Variants in TMED8 observed in about 807,000 individuals in gnomAD.
TMED8 encodes the protein protein TMED8.
A neutral mutation model predicts 32.7 loss-of-function variants in TMED8; 15 were observed. The observed-to-expected ratio is 0.46, with a 90% CI of 0.31 to 0.71. The LOEUF (loss-of-function observed/expected upper bound fraction) is 0.71, where lower values mean the gene tolerates loss of function less well. Ranked by LOEUF, TMED8 falls within the 30% of genes least tolerant of loss-of-function variation. The probability of loss-of-function intolerance (pLI) is 0.06; values close to 1 mark genes in which losing one functional copy is unlikely to be tolerated. For missense variants in TMED8, 390 were observed against 423.9 expected (o/e 0.92, Z 0.70); for synonymous variants, 147 against 161.4 (o/e 0.91, Z 0.68).
chr14:77,345,799 G>C (rs1893014818), intron 3 of TMED8, among the ~76,000 whole-genome samples: 1 of 151,756 alleles, frequency 6.6e-6, no homozygotes, highest in Non-Finnish European at 1.5e-5. Flanking sequence ...GTGAAGCCCT[G>C]CCTCTACTAA....
chr14:77,377,036 C>T lies in TMED8; in HGVS notation c.18G>A (p.Ala6=). 1 of 1,383,752 alleles carries T rather than the reference C, an allele frequency of 7.2e-7. No individual in the cohort carries two copies. 85.7% of individuals were successfully genotyped at this position (1,383,752 alleles called of 1,614,324 possible). The change falls in exon 1 of 6, where the codon GCG becomes GCA. Residue 6 remains alanine (A), a synonymous_variant. Transcript: ENST00000216468. MSDLQ[A]AEGPGSWSPT... ...GGCTCCAGGAGCCCGGCCCCTCAGCCGCCTGCAGGTCAGACATCTGCAGCC... is the reference window on the plus strand; with the variant it reads ...GGCTCCAGGAGCCCGGCCCCTCAGCTGCCTGCAGGTCAGACATCTGCAGCC...
chr14:77,351,411 ATTTTTTTT>A lies in TMED8; in HGVS notation c.197+254_197+261del, dbSNP rs1181134385. 4.2e-3 allele frequency among the ~76,000 whole-genome samples: 432 copies of A among 102,144 alleles called. 2 individuals carry two copies. The highest frequency in any genetic ancestry group is 0.011 in the Middle Eastern group (1 of 94). The allele number at this position is 102,144 out of a possible 152,430, so 67.0% of individuals were successfully genotyped here. On this transcript the variant is annotated intron_variant, in intron 2 of 5. Transcript: ENST00000216468. ...GTAGTCTGGCCACCACGCCCCGCTA[ATTTTTTTT>A]TTTTTTTTTTTTTTTGGATTTTTAG...
chr14:77,342,594 G>A (rs2139601566), intron 5 of TMED8, among the ~76,000 whole-genome samples: 1 of 152,274 alleles, frequency 6.6e-6, no homozygotes, highest in East Asian at 1.9e-4. Context: ...CTAATGCTTA[G>A]GACCTACTCT....
At chr14:77,364,899 G>A (rs1264510986) in intron 1 of TMED8, among the ~76,000 whole-genome samples, 1 of 152,048 alleles carries the variant, frequency 6.6e-6, no homozygotes, top group Non-Finnish European at 1.5e-5. Context: ...CCTTATAACT[G>A]CTGCCATTCT....
rs146656597 is a variant in TMED8, at chr14:77,361,277, C to T, written c.119-9526G>A. The stretch of plus-strand genomic sequence containing the variant: ...GATTACAGGCATGAGCCACCACGCC[C>T]GGCCCATTTCCATTCTTTTGCATGT... On this transcript the variant is annotated intron_variant, in intron 1 of 5. Coordinates refer to ENST00000216468, the MANE Select transcript of TMED8 (RefSeq NM_213601.3). 1.8e-3 allele frequency among the ~76,000 whole-genome samples: 271 copies of T among 152,234 alleles called. 1 individual carries two copies. Among genetic ancestry groups the T allele is most frequent in the African/African-American group, 6.3e-3 (263 of 41,536 alleles).
intron 1 of TMED8, among the ~76,000 whole-genome samples, chr14:77,365,170 A>G (rs1266282433): frequency 4.6e-5 from 7 of 152,214 alleles, no homozygotes; most frequent in African/African-American, 1.7e-4. Flanking sequence ...ATATACAGCA[A>G]CCACATGAAA....
chr14:77,374,434 T>G (rs1331168744), intron 1 of TMED8, among the ~76,000 whole-genome samples: 1 of 152,236 alleles, frequency 6.6e-6, no homozygotes, highest in Non-Finnish European at 1.5e-5. Flanking sequence ...TTGCAGGATG[T>G]TTAGCAAACA....
intron 2 of TMED8, among the ~76,000 whole-genome samples, chr14:77,348,024 A>G (rs1339420406): frequency 5.9e-5 from 9 of 152,200 alleles, no homozygotes; most frequent in Non-Finnish European, 8.8e-5. Context: ...TGATACCGCA[A>G]TAGAATGAAC....
chr14:77,345,968 C>CAAAAA (rs370981070), intron 3 of TMED8, among the ~76,000 whole-genome samples: 2 of 76,630 alleles, frequency 2.6e-5, no homozygotes, highest in African/African-American at 5.0e-5. Context: ...GACCCTGTCT[C>CAAAAA]AAAAAAAAAA....
At chr14:77,362,262 G>A (rs1331392379) in intron 1 of TMED8, among the ~76,000 whole-genome samples, 3 of 151,800 alleles carry the variant, frequency 2.0e-5, no homozygotes, top group Admixed American at 2.0e-4. Context: ...AGTGATGAGA[G>A]TGGTCATCCT....
chr14:77,372,948 ATATATTTTTT>A (rs1893726510), intron 1 of TMED8, among the ~76,000 whole-genome samples: 4 of 18,328 alleles, frequency 2.2e-4, no homozygotes, highest in Non-Finnish European at 3.4e-4. Flanking sequence ...ATATATATAT[ATATATTTTTT>A]TTTTTTTTTT....
rs1171798879 is a variant in TMED8 at position 77,343,725 on chromosome 14, A to G, written c.426T>C (p.Ser142=). ...TCCTGTGGTCCCCCAGAAGATCTGC[A>G]GATTCCAAATCAGCTGAAAGAACAT... ...AIDVLSADLE[S]ADLLGDHRKV... The change falls in exon 4 of 6, where the codon TCT becomes TCC. Residue 142 remains serine, a synonymous_variant. Transcript: ENST00000216468. 10 of 1,614,226 alleles carry G rather than the reference A, an allele frequency of 6.2e-6. No individual in the cohort carries two copies. The highest frequency in any genetic ancestry group is 8.5e-6 in the Non-Finnish European group (10 of 1,180,042).
At chr14:77,373,543 T>C (rs1184088297) in intron 1 of TMED8, among the ~76,000 whole-genome samples, 4 of 152,150 alleles carry the variant, frequency 2.6e-5, no homozygotes, top group Admixed American at 2.6e-4. Flanking sequence ...CACCAAAACC[T>C]CAGCTAACAA....
intron 3 of TMED8, among the ~76,000 whole-genome samples, chr14:77,345,405 AATT>A (rs1393329010): frequency 6.6e-6 from 1 of 152,190 alleles, no homozygotes; most frequent in Non-Finnish European, 1.5e-5. Context: ...ATACAAATCT[AATT>A]ATAACGCCTG....
At position 77,341,739 on chromosome 14, in the gene TMED8, C is replaced by A; in HGVS notation, c.*32G>T. 1 of 1,611,294 alleles carries A rather than the reference C, an allele frequency of 6.2e-7. No homozygotes were observed. Among genetic ancestry groups the A allele is most frequent in the Admixed American group, 1.7e-5 (1 of 60,000 alleles). On this transcript the variant is annotated 3_prime_UTR_variant, in exon 6 of 6. Coordinates refer to ENST00000216468, the MANE Select transcript of TMED8 (RefSeq NM_213601.3). ...CCAGCTGGCAGCCTGCTTCAGCCAGCAAATACAGCCTGCCCCTGTCCCAGC... is the reference window on the plus strand; with the variant it reads ...CCAGCTGGCAGCCTGCTTCAGCCAGAAAATACAGCCTGCCCCTGTCCCAGC...
chr14:77,340,549 T>C lies in TMED8; in HGVS notation c.*1222A>G, dbSNP rs1892872227. The C allele has an allele frequency of 6.6e-6, 1 of 152,202 alleles. No homozygotes were observed. Among genetic ancestry groups the C allele is most frequent in the Non-Finnish European group, 1.5e-5 (1 of 68,058 alleles). The allele number at this position is 152,202 out of a possible 1,614,324, so 9.4% of individuals were successfully genotyped here. On this transcript the variant is annotated 3_prime_UTR_variant, in exon 6 of 6. Transcript: ENST00000216468. Reference sequence around the variant, plus strand: ...CTCCGCCTGGGGGCCCAGCAGCTGGTGCTCTGGTGACCACTGGCTGCAGCA... The same window carrying C: ...CTCCGCCTGGGGGCCCAGCAGCTGGCGCTCTGGTGACCACTGGCTGCAGCA...
At chr14:77,359,403 A>C (rs8022676) in intron 1 of TMED8, 153,097 of 218,314 alleles carry the variant, frequency 0.7, 54,308 homozygotes, top group Middle Eastern at 0.82. Flanking sequence ...ATTATATAAA[A>C]ACAGGCAGAA....
Position 77,376,838 on chromosome 14 carries a change from C to T in TMED8, c.118+98G>A, listed in dbSNP as rs1594858800. The T allele has an allele frequency of 1.4e-6, 1 of 735,860 alleles. No individual in the cohort carries two copies. The highest frequency in any genetic ancestry group is 1.9e-6 in the Non-Finnish European group (1 of 532,096). 45.6% of individuals were successfully genotyped at this position (735,860 alleles called of 1,614,324 possible). On this transcript the variant is annotated intron_variant, in intron 1 of 5. Coordinates refer to ENST00000216468, the MANE Select transcript of TMED8 (RefSeq NM_213601.3). The surrounding 1 kb of genome is among the most constrained non-coding windows in gnomAD (Gnocchi z 4.0). The stretch of plus-strand genomic sequence containing the variant: ...GGGCTGCCGAGGTGGGTCCGCTCCG[C>T]GGGGAAGCCCAGGACAGAGCGCGGC...
rs1246733492 is a variant in TMED8, at chr14:77,341,796, TAG to T, written c.951_952del (p.Tyr318LeufsTer79). On this transcript the variant is annotated frameshift_variant, in exon 6 of 6. Coordinates refer to ENST00000216468, the MANE Select transcript of TMED8 (RefSeq NM_213601.3). LOFTEE classifies it high-confidence loss of function. Reference sequence around the variant, plus strand: ...TCAGCTGGTGTAGTAGATGTGGAAGTAGAGAGTCTTGTTGCGCAGCAGGGAGT... The same window carrying T: ...TCAGCTGGTGTAGTAGATGTGGAAGTAGAGTCTTGTTGCGCAGCAGGGAGT... 10 of 1,613,836 alleles carry T rather than the reference TAG, an allele frequency of 6.2e-6. No individual in the cohort carries two copies. Among genetic ancestry groups the T allele is most frequent in the African/African-American group, 2.7e-5 (2 of 74,812 alleles).
Sources: gnomAD v4.1 joint callset for allele counts (sites outside exome capture counted in the v4.1 genomes callset) on GRCh38, gnomAD v4.1.1 for gene constraint, Gnocchi (gnomAD v3.1) non-coding constraint, MANE v1.5 for transcripts, NCBI Gene and HGNC (gene_info 2026-07-23, HGNC 2026-07-21) for gene names.